WNK1: variants seen among roughly 807,000 people sequenced by gnomAD.
WNK1 encodes serine/threonine-protein kinase WNK1.
A neutral mutation model predicts 222.8 loss-of-function variants in WNK1; 38 were observed. The ratio of observed to expected loss-of-function variants is 0.17; its 90% confidence interval spans 0.13 to 0.22. WNK1 has a LOEUF of 0.22. Ranked by LOEUF, WNK1 falls within the 10% of genes least tolerant of loss-of-function variation. WNK1 has a pLI of 1.00. For missense variants in WNK1, 2,348 were observed against 2,918.4 expected, an observed-to-expected ratio of 0.80 and a Z score of 4.50; for synonymous variants, 1,090 against 1,092.9, an observed-to-expected ratio of 1.00 and a Z score of 0.05.
At chr12:865,338 A>G in intron 8 of WNK1, 3 of 1,536,182 alleles carry the variant, frequency 2.0e-6, no homozygotes, top group Non-Finnish European at 2.6e-6. Flanking sequence ...CCGACGCTCC[A>G]GCCTGCCTTC....
intron 10 of WNK1, 135 bp downstream of exon 10, chr12:878,496 T>C: frequency 1.1e-6 from 1 of 949,514 alleles, no homozygotes; most frequent in Non-Finnish European, 1.6e-6. Context: ...ACCCTTGAAG[T>C]AGGTTAATCT....
At chr12:889,548 G>A (rs1403679774) in intron 21 of WNK1, among the ~76,000 whole-genome samples, 3 of 152,236 alleles carry the variant, frequency 2.0e-5, no homozygotes, top group Non-Finnish European at 4.4e-5. Context: ...GCTAGGTGCA[G>A]TGGCTCACGC....
At chr12:883,684 T>A (rs1186549011) in intron 16 of WNK1, 90 bp from the exon 17 acceptor site, 1 of 1,597,136 alleles carries the variant, frequency 6.3e-7, no homozygotes, top group African/African-American at 1.3e-5. Flanking sequence ...GACAACAAAC[T>A]TTTATGTTCT....
chr12:860,913 T>C, intron 6 of WNK1, 100 bp from the exon 7 acceptor site: 2 of 1,206,002 alleles, frequency 1.7e-6, no homozygotes, highest in South Asian at 1.3e-5. Context: ...TCTTCTCTAC[T>C]TTTTTTACAA....
At chr12:866,873 T>A (rs1951714272) in intron 8 of WNK1, among the ~76,000 whole-genome samples, 1 of 152,068 alleles carries the variant, frequency 6.6e-6, no homozygotes, top group African/African-American at 2.4e-5. Context: ...CCTGTAATCC[T>A]AGCACTTTGG....
At position 823,642 on chromosome 12, in the gene WNK1, G is replaced by A. The variant is rs190197611; in HGVS notation, c.933-3400G>A. 4.1e-3 allele frequency among the ~76,000 whole-genome samples: 621 copies of A among 152,264 alleles called. 2 individuals carry two copies. Among genetic ancestry groups the A allele is most frequent in the Middle Eastern group, 6.8e-3 (2 of 294 alleles). On this transcript the variant is annotated intron_variant, in intron 2 of 27. Coordinates refer to ENST00000315939, the MANE Select transcript of WNK1 (RefSeq NM_018979.4). ...TCTGTTGATATTCTCTACTTCAATA[G>A]AATATTCTTTGTACTCTTAATATTT...
At chr12:835,930 G>A (rs1029028566) in intron 4 of WNK1, among the ~76,000 whole-genome samples, 4 of 151,856 alleles carry the variant, frequency 2.6e-5, no homozygotes, top group African/African-American at 9.7e-5. Flanking sequence ...CTCCAGCCTG[G>A]GTGACAGCAA....
At chr12:810,204 G>C (rs968582212) in intron 1 of WNK1, among the ~76,000 whole-genome samples, 1 of 151,538 alleles carries the variant, frequency 6.6e-6, no homozygotes, top group African/African-American at 2.4e-5. Flanking sequence ...CAGAGATTGT[G>C]TCACTGCACT....
At chr12:870,602 T>A (rs909811724) in intron 8 of WNK1, among the ~76,000 whole-genome samples, 6 of 152,214 alleles carry the variant, frequency 3.9e-5, no homozygotes, top group Non-Finnish European at 2.9e-5. Context: ...TGAGGTTGGA[T>A]AATTCTTTGT....
intron 1 of WNK1, among the ~76,000 whole-genome samples, chr12:771,400 T>C (rs1942477593): frequency 6.6e-6 from 1 of 152,188 alleles, no homozygotes; most frequent in Admixed American, 6.6e-5. Flanking sequence ...TTGGTTAAAT[T>C]GGTTTTTGGT....
rs1302453310 is a variant in WNK1, at chr12:884,292, T to C, written c.3844+49T>C. On this transcript the variant is annotated intron_variant, in intron 18 of 27. Transcript: ENST00000315939. This position sits in a 1 kb window ranked among gnomAD's most constrained non-coding sequence, Gnocchi z 5.6. Reference sequence around the variant, plus strand: ...TGTTATGTAAATTCTACAGTGCCTCTGCTATGTTGAAAGCTTAATCATAAA... The same window carrying C: ...TGTTATGTAAATTCTACAGTGCCTCCGCTATGTTGAAAGCTTAATCATAAA... The C allele has an allele frequency of 6.2e-7, 1 of 1,612,096 alleles. No individual in the cohort carries two copies. Among genetic ancestry groups the C allele is most frequent in the Non-Finnish European group, 8.5e-7 (1 of 1,178,642 alleles).
rs562194513 is a variant in WNK1 at position 872,759 on chromosome 12, A to T, written c.2223+1411A>T. ...CTGTTTCTATTAGTTTTTGGTTTTG[A>T]AACAAAGTTTTCGGTTCTTAATTAC... On this transcript the variant is annotated intron_variant, in intron 9 of 27. Transcript: ENST00000315939. 7.9e-5 allele frequency among the ~76,000 whole-genome samples: 12 copies of T among 152,302 alleles called. No homozygotes were observed. The South Asian group carries it at 2.5e-3, about 32-fold the overall frequency.
rs367875366 is a variant in WNK1 at position 801,423 on chromosome 12, T to TTGTGTG, written c.760-12183_760-12178dup. Among the ~76,000 whole-genome samples the TTGTGTG allele has an allele frequency of 3.5e-3, 502 of 143,974 alleles. 2 individuals are homozygous for TTGTGTG. The highest frequency in any genetic ancestry group is 0.01 in the African/African-American group (390 of 38,442). The allele number at this position is 143,974 out of a possible 152,430, so 94.5% of individuals were successfully genotyped here. A position where few individuals can be genotyped will look rare whatever the true frequency, so the allele number is the denominator to read the frequency against. On this transcript the variant is annotated intron_variant, in intron 1 of 27. Coordinates refer to ENST00000315939, the MANE Select transcript of WNK1 (RefSeq NM_018979.4). ...AACTCCCAATATAACCTTTTTTTCT[T>TTGTGTG]TGTGTGTGTGTGTGTGTGTGTGTGT...
intron 1 of WNK1, among the ~76,000 whole-genome samples, chr12:756,963 T>C (rs1320115321): frequency 6.6e-6 from 1 of 152,180 alleles, no homozygotes; most frequent in Non-Finnish European, 1.5e-5. Context: ...ATAGAGCAGG[T>C]AAATAACTTG....
In WNK1 at chr12:911,076, C is replaced by T. The variant is rs886453905; in HGVS notation, c.*2284C>T. On this transcript the variant is annotated 3_prime_UTR_variant, in exon 28 of 28. Coordinates refer to ENST00000315939, the MANE Select transcript of WNK1 (RefSeq NM_018979.4). Reference sequence around the variant, plus strand: ...ATTTTGACATCTTTTCACTCATACACAAAAAAAGTCAGAACTGGTGTTATT... The same window carrying T: ...ATTTTGACATCTTTTCACTCATACATAAAAAAAGTCAGAACTGGTGTTATT... The T allele has an allele frequency of 1.0e-5, 4 of 385,244 alleles. No individual in the cohort carries two copies. The highest frequency in any genetic ancestry group is 6.2e-5 in the African/African-American group (3 of 48,312). 23.9% of individuals were successfully genotyped at this position (385,244 alleles called of 1,614,324 possible). A position where few individuals can be genotyped will look rare whatever the true frequency, so the allele number is the denominator to read the frequency against.
intron 1 of WNK1, among the ~76,000 whole-genome samples, chr12:774,495 GA>G (rs1197662679): frequency 6.6e-6 from 1 of 152,166 alleles, no homozygotes; most frequent in Non-Finnish European, 1.5e-5. Flanking sequence ...CAAGGGCTTG[GA>G]ATAGGAGAAG....
At chr12:907,186 T>C (rs148348214) in intron 26 of WNK1, among the ~76,000 whole-genome samples, 1 of 151,892 alleles carries the variant, frequency 6.6e-6, no homozygotes, top group Non-Finnish European at 1.5e-5. Context: ...CTGGGCATGG[T>C]GGTGCACACC....
chr12:851,875 T>A, intron 4 of WNK1: 1 of 1,045,240 alleles, frequency 9.6e-7, no homozygotes, highest in Non-Finnish European at 1.2e-6. Context: ...TTGTTAACTT[T>A]CAGTTAAAGT....
intron 2 of WNK1, among the ~76,000 whole-genome samples, chr12:821,310 A>G (rs1012204657): frequency 6.6e-6 from 1 of 152,088 alleles, no homozygotes; most frequent in African/African-American, 2.4e-5. Flanking sequence ...TTCTTTTGGT[A>G]TCTTCAGTAT....
Sources: allele counts gnomAD v4.1 joint callset (sites outside exome capture counted in the v4.1 genomes callset), GRCh38; gene constraint gnomAD v4.1.1; non-coding constraint Gnocchi (gnomAD v3.1); transcripts MANE v1.5; gene names NCBI Gene and HGNC (gene_info 2026-07-23, HGNC 2026-07-21).